The following GPR158 variants were observed in gnomAD, a reference collection of about 807,000 sequenced individuals.
The protein encoded by GPR158 is metabotropic glycine receptor.
A neutral mutation model predicts 78.2 loss-of-function variants in GPR158; 30 were observed. That is an observed-to-expected ratio of 0.38 (90% CI 0.29 to 0.52). GPR158 has a LOEUF of 0.52. GPR158 is among the 20% of genes least tolerant of loss of function. The pLI is 0.83. For synonymous variants in GPR158, 581 were observed against 591.1 expected (o/e 0.98, Z 0.25); for missense variants, 1,463 against 1,523.5 (o/e 0.96, Z 0.66).
chr10:25,205,437 T>A (rs749306814), intron 1 of GPR158, among the ~76,000 whole-genome samples: 4 of 152,026 alleles, frequency 2.6e-5, no homozygotes, highest in Non-Finnish European at 4.4e-5. Flanking sequence ...TGGGGTTTGT[T>A]TGCTCTTGTT....
At position 25,176,566 on chromosome 10, in the gene GPR158, G is replaced by T. The variant is rs371350361; in HGVS notation, c.902+244G>T. Among the ~76,000 whole-genome samples, 7 of 152,318 alleles carry T rather than the reference G, an allele frequency of 4.6e-5. No individual in the cohort carries two copies. The South Asian group carries it at 1.2e-3, about 27-fold the overall frequency. On this transcript the variant is annotated intron_variant, in intron 1 of 10. Transcript: ENST00000376351. The surrounding 1 kb of genome is among the most constrained non-coding windows in gnomAD (Gnocchi z 6.3). ...TTCATTCTCTCGGACCAGTTTCCCC[G>T]CACTGGGCGAGGGACAGGCAGCCCT... is the stretch of plus-strand genomic sequence containing the variant.
intron 2 of GPR158, among the ~76,000 whole-genome samples, chr10:25,264,586 A>G (rs1410393504): frequency 1.3e-5 from 2 of 152,232 alleles, no homozygotes; most frequent in African/African-American, 4.8e-5. Flanking sequence ...ATCTATACAC[A>G]GAACTGTGAG....
chr10:25,327,432 T>C (rs1025634093), intron 2 of GPR158, among the ~76,000 whole-genome samples: 10 of 152,220 alleles, frequency 6.6e-5, no homozygotes, highest in African/African-American at 2.4e-4. Context: ...GCATTTCTGC[T>C]GTCAGCAGTA....
intron 4 of GPR158, among the ~76,000 whole-genome samples, chr10:25,424,169 A>C (rs1326339272): frequency 2.0e-5 from 3 of 152,180 alleles, no homozygotes; most frequent in African/African-American, 7.2e-5. Context: ...TGTTGGCTGC[A>C]TAAATGTCTT....
rs541196521 is a variant in GPR158, at chr10:25,186,875, A to G, written c.902+10553A>G. On this transcript the variant is annotated intron_variant, in intron 1 of 10. Coordinates refer to ENST00000376351, the MANE Select transcript of GPR158 (RefSeq NM_020752.3). Reference sequence around the variant, plus strand: ...GGAATCCTCCCTAACTCATTTGATGAGGCCAGTATCATCCTGATACCAAAG... The same window carrying G: ...GGAATCCTCCCTAACTCATTTGATGGGGCCAGTATCATCCTGATACCAAAG... 4.6e-5 allele frequency among the ~76,000 whole-genome samples: 7 copies of G among 152,158 alleles called. No individual in the cohort carries two copies. In the East Asian group the frequency reaches 1.4e-3, roughly 29 times the overall value.
At chr10:25,433,547 T>TGTGTGTTGTGTGTGTGTTGTG (rs67750453) in intron 4 of GPR158, among the ~76,000 whole-genome samples, 4 of 96,458 alleles carry the variant, frequency 4.1e-5, no homozygotes, top group African/African-American at 1.1e-4. Flanking sequence ...TGTGTGTGTG[T>TGTGTGTTGTGTGTGTGTTGTG]TGTGTGTGTG....
At chr10:25,576,038 A>G (rs1837089823) in intron 7 of GPR158, among the ~76,000 whole-genome samples, 1 of 149,896 alleles carries the variant, frequency 6.7e-6, no homozygotes, top group Non-Finnish European at 1.5e-5. Context: ...CATTGAAGAC[A>G]TTGAAGAATT....
chr10:25,381,453 G>A (rs931966836), intron 2 of GPR158, among the ~76,000 whole-genome samples: 1 of 152,108 alleles, frequency 6.6e-6, no homozygotes, highest in Non-Finnish European at 1.5e-5. Context: ...TTTTAATATG[G>A]CTGAGATTTG....
intron 4 of GPR158, among the ~76,000 whole-genome samples, chr10:25,443,099 T>C (rs1335353570): frequency 1.3e-5 from 2 of 151,876 alleles, no homozygotes; most frequent in Non-Finnish European, 2.9e-5. Context: ...TATTTTTTTT[T>C]TAAGAGACAG....
intron 1 of GPR158, among the ~76,000 whole-genome samples, chr10:25,213,638 T>G (rs530316424): frequency 1.6e-3 from 246 of 152,196 alleles, no homozygotes; most frequent in African/African-American, 5.7e-3. Flanking sequence ...GGTGGGTTGT[T>G]CTTTTCTTTT....
chr10:25,200,132 A>G (rs903191662), intron 1 of GPR158, among the ~76,000 whole-genome samples: 2 of 152,166 alleles, frequency 1.3e-5, no homozygotes, highest in Admixed American at 6.5e-5. Flanking sequence ...ATTCCCACCA[A>G]TAGTGTATAA....
intron 4 of GPR158, among the ~76,000 whole-genome samples, chr10:25,430,948 A>G (rs1232963139): frequency 1.3e-5 from 2 of 148,590 alleles, no homozygotes; most frequent in South Asian, 4.3e-4. Flanking sequence ...GGACATAGGC[A>G]TGGGCAAGGA....
Position 25,265,716 on chromosome 10 carries a change from G to A in GPR158, c.1008+44559G>A, listed in dbSNP as rs191939305. 4.6e-5 allele frequency among the ~76,000 whole-genome samples: 7 copies of A among 152,242 alleles called. No individual in the cohort carries two copies. The South Asian group carries it at 6.2e-4, about 14-fold the overall frequency. ...GCTACAAGGCAGAGGGAACAGGTAC[G>A]AAAACTGGGATTCTGCCAAGAGGGT... On this transcript the variant is annotated intron_variant, in intron 2 of 10. Coordinates refer to ENST00000376351, the MANE Select transcript of GPR158 (RefSeq NM_020752.3).
intron 5 of GPR158, among the ~76,000 whole-genome samples, chr10:25,468,394 A>G (rs561540480): frequency 6.6e-6 from 1 of 152,330 alleles, no homozygotes; most frequent in African/African-American, 2.4e-5. Context: ...GTTACCTAAC[A>G]TTCCTAAACC....
rs764775731 is a variant in GPR158 at position 25,221,044 on chromosome 10, A to C, written c.903-8A>C. On this transcript the variant is annotated splice_polypyrimidine_tract_variant and splice_region_variant and intron_variant, in intron 1 of 10. Transcript: ENST00000376351. The stretch of plus-strand genomic sequence containing the variant: ...TAATTTGTTCTTTTTATCCTTTTCT[A>C]TTTCTAGGGGTGTCATGAAAGTTGA... 1.5e-6 allele frequency: 2 copies of C among 1,359,242 alleles called. No individual in the cohort carries two copies. The highest frequency in any genetic ancestry group is 1.9e-5 in the Admixed American group (1 of 54,030). The allele number at this position is 1,359,242 out of a possible 1,614,324, so 84.2% of individuals were successfully genotyped here.
intron 2 of GPR158, among the ~76,000 whole-genome samples, chr10:25,354,026 C>T (rs59342106): frequency 0.1 from 15,224 of 151,904 alleles, 1,889 homozygotes; most frequent in African/African-American, 0.3. Flanking sequence ...CTGTGGTTAC[C>T]ATGATGCTTA....
chr10:25,448,151 C>T (rs1835163080), intron 4 of GPR158, among the ~76,000 whole-genome samples: 1 of 143,220 alleles, frequency 7.0e-6, no homozygotes, highest in Non-Finnish European at 1.5e-5. Flanking sequence ...GTGGTGTGAT[C>T]TAGGCTCACT....
At chr10:25,189,736 G>A (rs1852743597) in intron 1 of GPR158, among the ~76,000 whole-genome samples, 1 of 150,328 alleles carries the variant, frequency 6.7e-6, no homozygotes, top group South Asian at 2.1e-4. Flanking sequence ...GTATACATAT[G>A]TAGCAAACCT....
chr10:25,201,062 G>T (rs1012142311), intron 1 of GPR158, among the ~76,000 whole-genome samples: 1 of 151,858 alleles, frequency 6.6e-6, no homozygotes, highest in African/African-American at 2.4e-5. Flanking sequence ...TAGTTTGATA[G>T]AACTAGCACT....
Sources: allele counts gnomAD v4.1 joint callset (sites outside exome capture counted in the v4.1 genomes callset), GRCh38; gene constraint gnomAD v4.1.1; non-coding constraint Gnocchi (gnomAD v3.1); transcripts MANE v1.5; gene names NCBI Gene and HGNC (gene_info 2026-07-23, HGNC 2026-07-21).